The following LRRC4C variants were observed in gnomAD, a reference collection of about 807,000 sequenced individuals.
LRRC4C encodes the protein leucine rich repeat containing 4C, also known as leucine-rich repeat-containing protein 4C.
LRRC4C carries 5 observed loss-of-function variants against 33.6 expected under a neutral mutation model. That is an observed-to-expected ratio of 0.15 (90% CI 0.08 to 0.31). The LOEUF (loss-of-function observed/expected upper bound fraction) is 0.31, where lower values mean the gene tolerates loss of function less well. Among genes scored for constraint, LRRC4C ranks in the 10% least tolerant of loss-of-function variants. The probability of loss-of-function intolerance (pLI) is 1.00; values close to 1 mark genes in which losing one functional copy is unlikely to be tolerated. For missense variants in LRRC4C, 560 were observed against 796.7 expected (o/e 0.70, Z 3.58); for synonymous variants, 329 against 302.0 (o/e 1.09, Z -0.93).
At chr11:41,376,486 C>G (rs1431248248) in intron 1 of LRRC4C, among the ~76,000 whole-genome samples, 3 of 152,106 alleles carry the variant, frequency 2.0e-5, no homozygotes, top group Admixed American at 6.6e-5. Flanking sequence ...CAGTGATTAT[C>G]CTATCTCCAA....
intron 1 of LRRC4C, among the ~76,000 whole-genome samples, chr11:41,057,613 C>T (rs1015106705): frequency 1.3e-5 from 2 of 152,220 alleles, no homozygotes; most frequent in Non-Finnish European, 2.9e-5. Context: ...CTCTGTGGCC[C>T]ATAGAAGCCC....
intron 1 of LRRC4C, among the ~76,000 whole-genome samples, chr11:41,298,374 T>C (rs1166060250): frequency 6.6e-6 from 1 of 152,002 alleles, no homozygotes; most frequent in Non-Finnish European, 1.5e-5. Context: ...CAGAAATGTG[T>C]CACATGGCTG....
chr11:40,582,524 T>G (rs1479054851), intron 3 of LRRC4C, among the ~76,000 whole-genome samples: 1 of 150,014 alleles, frequency 6.7e-6, no homozygotes, highest in East Asian at 1.9e-4. Flanking sequence ...TTTTTTTTTT[T>G]TTTTTTTTTT....
intron 1 of LRRC4C, among the ~76,000 whole-genome samples, chr11:41,366,567 G>T (rs1393129047): frequency 1.2e-4 from 19 of 152,022 alleles, no homozygotes; most frequent in African/African-American, 4.3e-4. Context: ...GTTAAATAGA[G>T]ATATTATAAG....
At chr11:40,626,087 C>A (rs1236702278) in intron 3 of LRRC4C, among the ~76,000 whole-genome samples, 1 of 152,138 alleles carries the variant, frequency 6.6e-6, no homozygotes, top group Admixed American at 6.5e-5. Flanking sequence ...ACCTCTCTAC[C>A]TTTTGTTACC....
chr11:40,967,334 T>C (rs1391901045), intron 1 of LRRC4C, among the ~76,000 whole-genome samples: 1 of 151,986 alleles, frequency 6.6e-6, no homozygotes, highest in Non-Finnish European at 1.5e-5. Flanking sequence ...GATAGGATTC[T>C]GAAAGCATAA....
intron 1 of LRRC4C, among the ~76,000 whole-genome samples, chr11:41,388,687 A>C (rs932338484): frequency 1.3e-5 from 2 of 151,846 alleles, no homozygotes; most frequent in Non-Finnish European, 2.9e-5. Flanking sequence ...GTGATGAGAG[A>C]CAGCATTAAG....
At chr11:40,274,365 G>A (rs977408085) in intron 4 of LRRC4C, among the ~76,000 whole-genome samples, 1 of 148,460 alleles carries the variant, frequency 6.7e-6, no homozygotes, top group South Asian at 2.2e-4. Flanking sequence ...TAATTTTGTA[G>A]TTAATTAGTG....
intron 3 of LRRC4C, among the ~76,000 whole-genome samples, chr11:40,327,625 G>A (rs368783442): frequency 6.6e-6 from 1 of 152,156 alleles, no homozygotes. Flanking sequence ...CAGTCTATCA[G>A]TCAGCCATTC....
chr11:40,838,990 G>A (rs1952800043), intron 2 of LRRC4C, among the ~76,000 whole-genome samples: 2 of 152,150 alleles, frequency 1.3e-5, no homozygotes, highest in Admixed American at 6.5e-5. Flanking sequence ...TGAGTTAACT[G>A]TTCCCCCTAA....
At chr11:41,421,098 T>C (rs867597132) in intron 1 of LRRC4C, among the ~76,000 whole-genome samples, 1 of 152,028 alleles carries the variant, frequency 6.6e-6, no homozygotes, top group Non-Finnish European at 1.5e-5. Flanking sequence ...AAAATGGAGA[T>C]ACTAATAGTC....
chr11:40,293,247 G>C (rs1303824171), intron 4 of LRRC4C: 1 of 152,366 alleles, frequency 6.6e-6, no homozygotes, highest in East Asian at 1.9e-4. Context: ...AAATTTCAAG[G>C]CTCCGTCAGC....
chr11:41,007,253 A>G (rs1243757577), intron 1 of LRRC4C, among the ~76,000 whole-genome samples: 1 of 152,182 alleles, frequency 6.6e-6, no homozygotes, highest in Non-Finnish European at 1.5e-5. Flanking sequence ...TAGGCAAAGG[A>G]TAAACAGGCA....
At chr11:40,737,076 CCTATGT>C (rs537100786) in intron 2 of LRRC4C, among the ~76,000 whole-genome samples, 123 of 152,106 alleles carry the variant, frequency 8.1e-4, no homozygotes, top group Non-Finnish European at 1.2e-3. Context: ...TTTGCCCATG[CCTATGT>C]CCTAAATGGT....
At chr11:41,097,026 C>G (rs1940850519) in intron 1 of LRRC4C, among the ~76,000 whole-genome samples, 1 of 152,152 alleles carries the variant, frequency 6.6e-6, no homozygotes, top group South Asian at 2.1e-4. Context: ...AGGCAAGTCT[C>G]AAGTTCCTAC....
rs116621801 is a variant in LRRC4C at position 40,996,252 on chromosome 11, A to C, written c.-495-62529T>G. Among the ~76,000 whole-genome samples, 840 of 152,248 alleles carry C rather than the reference A, an allele frequency of 5.5e-3. 12 individuals are homozygous for C. Among genetic ancestry groups the C allele is most frequent in the South Asian group, 0.04 (193 of 4,822 alleles). On this transcript the variant is annotated intron_variant, in intron 1 of 6. Transcript: ENST00000528697. ...GCTGGGTAGCAGACTTACTTACTCTACACATGTGCTGACAATGGACCCTAA... is the reference window on the plus strand; with the variant it reads ...GCTGGGTAGCAGACTTACTTACTCTCCACATGTGCTGACAATGGACCCTAA...
At chr11:40,329,744 T>TC (rs1287542881) in intron 3 of LRRC4C, among the ~76,000 whole-genome samples, 1 of 144,072 alleles carries the variant, frequency 6.9e-6, no homozygotes, top group East Asian at 2.0e-4. Context: ...TTTCTTTTTT[T>TC]TTTTTTTTTT....
intron 1 of LRRC4C, among the ~76,000 whole-genome samples, chr11:41,263,303 G>T (rs1037975047): frequency 6.6e-6 from 1 of 152,078 alleles, no homozygotes; most frequent in Non-Finnish European, 1.5e-5. Context: ...AAAATCACAT[G>T]CAATAATTCA....
chr11:41,316,332 T>C (rs1950797297), intron 1 of LRRC4C, among the ~76,000 whole-genome samples: 1 of 144,610 alleles, frequency 6.9e-6, no homozygotes, highest in South Asian at 2.2e-4. Context: ...ATTGATTAAA[T>C]CTAAATCTAT....
Sources: gnomAD v4.1 joint callset for allele counts (sites outside exome capture counted in the v4.1 genomes callset) on GRCh38, gnomAD v4.1.1 for gene constraint, MANE v1.5 for transcripts, NCBI Gene and HGNC (gene_info 2026-07-23, HGNC 2026-07-21) for gene names.